Variants in CTNND2 observed in about 807,000 individuals in gnomAD.
CTNND2 encodes catenin delta-2.
A neutral mutation model predicts 144.4 loss-of-function variants in CTNND2; 22 were observed. That is an observed-to-expected ratio of 0.15 (90% CI 0.11 to 0.22). CTNND2 has a LOEUF of 0.22. Ranked by LOEUF, CTNND2 falls within the 10% of genes least tolerant of loss-of-function variation. CTNND2 has a pLI of 1.00. For missense variants in CTNND2, 1,353 were observed against 1,618.8 expected, an observed-to-expected ratio of 0.84 and a Z score of 2.82; for synonymous variants, 751 against 695.6, an observed-to-expected ratio of 1.08 and a Z score of -1.25.
intron 12 of CTNND2, among the ~76,000 whole-genome samples, chr5:11,128,815 T>TA (rs370978805): frequency 0.47 from 16,173 of 34,586 alleles, 3,727 homozygotes; most frequent in East Asian, 0.7. Flanking sequence ...ACAATATATA[T>TA]AATATATATT....
chr5:11,306,328 T>C (rs1431283913), intron 9 of CTNND2, among the ~76,000 whole-genome samples: 2 of 152,204 alleles, frequency 1.3e-5, no homozygotes, highest in Non-Finnish European at 2.9e-5. Flanking sequence ...ATTTGCCATG[T>C]GAATTAAAGA....
chr5:11,486,896 T>C lies in CTNND2; in HGVS notation c.288-74827A>G, dbSNP rs535182559. 5.3e-5 allele frequency among the ~76,000 whole-genome samples: 8 copies of C among 152,310 alleles called. No homozygotes were observed. The South Asian group carries it at 1.7e-3, about 32-fold the overall frequency. Reference sequence around the variant, plus strand: ...TCCTACTTGTTGCTGCTAAATAGTTTGAAATATAGTTTATATCACACATAG... The same window carrying C: ...TCCTACTTGTTGCTGCTAAATAGTTCGAAATATAGTTTATATCACACATAG... On this transcript the variant is annotated intron_variant, in intron 3 of 21. Transcript: ENST00000304623.
chr5:11,250,520 T>TATACATA (rs1491283471), intron 9 of CTNND2, among the ~76,000 whole-genome samples: 1 of 5,540 alleles, frequency 1.8e-4, no homozygotes, highest in Admixed American at 3.1e-3. Flanking sequence ...TATACATATA[T>TATACATA]TTTTTTTTTT....
At chr5:11,165,962 T>C (rs969327569) in intron 11 of CTNND2, among the ~76,000 whole-genome samples, 1 of 152,226 alleles carries the variant, frequency 6.6e-6, no homozygotes, top group African/African-American at 2.4e-5. Flanking sequence ...CTGGTGGCTA[T>C]GCAGGACTTT....
At chr5:11,629,732 G>A (rs1233520523) in intron 2 of CTNND2, among the ~76,000 whole-genome samples, 1 of 151,932 alleles carries the variant, frequency 6.6e-6, no homozygotes, top group Non-Finnish European at 1.5e-5. Flanking sequence ...GTGCAGTAGT[G>A]CCATCATAGC....
chr5:11,321,794 C>G (rs1453324364), intron 9 of CTNND2, among the ~76,000 whole-genome samples: 1 of 152,058 alleles, frequency 6.6e-6, no homozygotes, highest in African/African-American at 2.4e-5. Context: ...CTTGGTGATT[C>G]TTTCCTAGAG....
Position 11,022,984 on chromosome 5 carries a change from A to C in CTNND2, c.2789-5T>G. 2 of 1,613,892 alleles carry C rather than the reference A, an allele frequency of 1.2e-6. No individual in the cohort carries two copies. Among genetic ancestry groups the C allele is most frequent in the Non-Finnish European group, 8.5e-7 (1 of 1,179,800 alleles). On this transcript the variant is annotated splice_polypyrimidine_tract_variant and splice_region_variant and intron_variant, in intron 16 of 21. Transcript: ENST00000304623. ...GGTCTCGCATGGCGTATTTGCCTGG[A>C]AAAGAAAATAAAGAGAAGAGTTGAA...
intron 1 of CTNND2, among the ~76,000 whole-genome samples, chr5:11,878,530 A>T (rs1158430339): frequency 6.6e-6 from 1 of 152,198 alleles, no homozygotes; most frequent in Non-Finnish European, 1.5e-5. Context: ...TATACCCCAG[A>T]TCTCAAACTG....
chr5:11,181,811 T>G (rs1735021023), intron 11 of CTNND2, among the ~76,000 whole-genome samples: 1 of 142,180 alleles, frequency 7.0e-6, no homozygotes, highest in African/African-American at 2.7e-5. Context: ...GTGTGGTGAA[T>G]GCGTGTGGTG....
At chr5:11,624,130 G>A (rs1392269292) in intron 2 of CTNND2, among the ~76,000 whole-genome samples, 2 of 151,774 alleles carry the variant, frequency 1.3e-5, no homozygotes, top group Admixed American at 6.6e-5. Context: ...AAAAGTTAAG[G>A]GCATGTAAAC....
chr5:11,194,525 A>G lies in CTNND2; in HGVS notation c.1975+4923T>C, dbSNP rs187737920. ...AGACACTTAAAAGACTCCCCACTACAACAGTTCCCTCCCACCCATTCGCCC... is the reference window on the plus strand; with the variant it reads ...AGACACTTAAAAGACTCCCCACTACGACAGTTCCCTCCCACCCATTCGCCC... On this transcript the variant is annotated intron_variant, in intron 11 of 21. Transcript: ENST00000304623. Among the ~76,000 whole-genome samples the G allele has an allele frequency of 4.9e-4, 75 of 152,302 alleles. 1 individual carries two copies. The highest frequency in any genetic ancestry group is 4.8e-3 in the Admixed American group (74 of 15,296).
intron 9 of CTNND2, among the ~76,000 whole-genome samples, chr5:11,313,805 G>A (rs569840524): frequency 5.3e-5 from 8 of 152,288 alleles, no homozygotes; most frequent in African/African-American, 1.9e-4. Flanking sequence ...GGCTGTACAG[G>A]AAGCATGGCT....
chr5:11,774,568 AAAAAC>A lies in CTNND2; in HGVS notation c.38-42301_38-42297del, dbSNP rs1561785417. Among the ~76,000 whole-genome samples, 29 of 150,264 alleles carry A rather than the reference AAAAAC, an allele frequency of 1.9e-4. 2 individuals carry two copies. Among genetic ancestry groups the A allele is most frequent in the Non-Finnish European group, 1.5e-4 (10 of 67,346 alleles). On this transcript the variant is annotated intron_variant, in intron 1 of 21. Transcript: ENST00000304623. ...AGTATAATAAAAAAAAATTAAAAAA[AAAAAC>A]AATGATGGCTTTAGTCTAAAATACT...
intron 5 of CTNND2, among the ~76,000 whole-genome samples, chr5:11,410,501 G>T (rs1761426721): frequency 6.6e-6 from 1 of 151,944 alleles, no homozygotes; most frequent in Admixed American, 6.6e-5. Flanking sequence ...ACTGGTTTTT[G>T]ATGTATTACC....
chr5:11,593,464 T>A (rs754006448), intron 2 of CTNND2, among the ~76,000 whole-genome samples: 1 of 152,140 alleles, frequency 6.6e-6, no homozygotes, highest in Non-Finnish European at 1.5e-5. Flanking sequence ...ACGATTGATA[T>A]AGTTTGGCTG....
At chr5:11,299,190 G>A (rs1054275337) in intron 9 of CTNND2, among the ~76,000 whole-genome samples, 10 of 152,066 alleles carry the variant, frequency 6.6e-5, no homozygotes, top group Non-Finnish European at 1.5e-4. Context: ...TTTCCTAGCT[G>A]TTCTTTGGTT....
At chr5:11,322,967 T>C (rs577243228) in intron 9 of CTNND2, among the ~76,000 whole-genome samples, 2 of 152,260 alleles carry the variant, frequency 1.3e-5, no homozygotes, top group African/African-American at 4.8e-5. Context: ...CAGATGTGGT[T>C]ATCTGACAAA....
chr5:11,252,783 T>G (rs1477601534), intron 9 of CTNND2, among the ~76,000 whole-genome samples: 1 of 152,214 alleles, frequency 6.6e-6, no homozygotes, highest in Admixed American at 6.5e-5. Flanking sequence ...TTACTATTTT[T>G]ATAAGCCACT....
At chr5:11,117,855 G>C (rs1481117304) in intron 12 of CTNND2, among the ~76,000 whole-genome samples, 1 of 152,160 alleles carries the variant, frequency 6.6e-6, no homozygotes, top group Non-Finnish European at 1.5e-5. Context: ...CCTTCAGAAA[G>C]TCTTCTAGGT....
Sources: allele counts gnomAD v4.1 joint callset (sites outside exome capture counted in the v4.1 genomes callset), GRCh38; gene constraint gnomAD v4.1.1; transcripts MANE v1.5; gene names NCBI Gene and HGNC (gene_info 2026-07-23, HGNC 2026-07-21).